The following HIPK3 variants were observed in gnomAD, a reference collection of about 807,000 sequenced individuals.
HIPK3 encodes homeodomain interacting protein kinase 3.
Under a neutral mutation model 124.2 loss-of-function variants are expected in HIPK3, and 47 were observed. The ratio of observed to expected loss-of-function variants is 0.38; its 90% CI spans 0.30 to 0.48. The LOEUF is 0.48. HIPK3 is among the 20% of genes least tolerant of loss of function. The pLI is 0.98. For synonymous variants in HIPK3, 482 were observed against 515.2 expected (o/e 0.94, Z 0.87); for missense variants, 1,286 against 1,454.3 (o/e 0.88, Z 1.88).
At chr11:33,330,040 G>A (rs899250770) in intron 3 of HIPK3, among the ~76,000 whole-genome samples, 1 of 152,108 alleles carries the variant, frequency 6.6e-6, no homozygotes, top group Non-Finnish European at 1.5e-5. Flanking sequence ...CCCAGTAACT[G>A]CCCCCTTTTC....
intron 1 of HIPK3, among the ~76,000 whole-genome samples, chr11:33,281,144 A>G (rs1042098711): frequency 4.3e-5 from 6 of 139,594 alleles, no homozygotes; most frequent in African/African-American, 1.6e-4. Flanking sequence ...ATCTTGGCTC[A>G]CTGCAACCTC....
intron 1 of HIPK3, chr11:33,258,194 C>T: frequency 1.6e-6 from 1 of 627,234 alleles, no homozygotes; most frequent in Non-Finnish European, 2.0e-6. Context: ...GGCCGGGGCC[C>T]GGGGGCCTCG....
intron 2 of HIPK3, among the ~76,000 whole-genome samples, chr11:33,319,313 T>C (rs186809718): frequency 3.3e-5 from 5 of 152,198 alleles, no homozygotes; most frequent in African/African-American, 1.2e-4. Flanking sequence ...TGGCCAATAT[T>C]GTGAAACCCC....
chr11:33,339,826 G>A (rs1279101638), intron 6 of HIPK3, among the ~76,000 whole-genome samples: 1 of 152,138 alleles, frequency 6.6e-6, no homozygotes, highest in Non-Finnish European at 1.5e-5. Context: ...TATATAAAAG[G>A]AAATGCTAAC....
At chr11:33,347,813 A>G (rs759911927) in intron 10 of HIPK3, 39 bp from the exon 11 acceptor site, 7 of 1,613,186 alleles carry the variant, frequency 4.3e-6, no homozygotes, top group Non-Finnish European at 5.9e-6. Flanking sequence ...GATTAAAGAA[A>G]GATCTTGATT....
chr11:33,298,668 A>G (rs113809662), intron 2 of HIPK3, among the ~76,000 whole-genome samples: 1 of 152,254 alleles, frequency 6.6e-6, no homozygotes, highest in African/African-American at 2.4e-5. Flanking sequence ...TCCAACCCTC[A>G]TGGATGACTT....
chr11:33,282,141 T>C (rs1487758399), intron 1 of HIPK3, among the ~76,000 whole-genome samples: 2 of 152,192 alleles, frequency 1.3e-5, no homozygotes. Context: ...TTCAGCACTT[T>C]GGGAGGCCAA....
intron 3 of HIPK3, among the ~76,000 whole-genome samples, chr11:33,331,345 T>A (rs1463783443): frequency 6.6e-6 from 1 of 152,184 alleles, no homozygotes; most frequent in Non-Finnish European, 1.5e-5. Flanking sequence ...AGTAATCAGC[T>A]GCCTAGATAT....
chr11:33,295,568 T>A (rs1436778680), intron 2 of HIPK3, among the ~76,000 whole-genome samples: 3 of 152,244 alleles, frequency 2.0e-5, no homozygotes, highest in Non-Finnish European at 4.4e-5. Flanking sequence ...GTTCACATAG[T>A]ACCCAGGTTA....
intron 1 of HIPK3, among the ~76,000 whole-genome samples, chr11:33,260,924 C>A (rs1038218): frequency 0.33 from 49,485 of 151,504 alleles, 9,082 homozygotes; most frequent in Middle Eastern, 0.46. Context: ...CTTCTGAAGA[C>A]AAACTACTAA....
chr11:33,339,313 A>G, intron 5 of HIPK3, 37 bp from the exon 6 acceptor site: 2 of 1,513,076 alleles, frequency 1.3e-6, no homozygotes. Flanking sequence ...TCTGTGACTT[A>G]TTTTTACTTG....
At chr11:33,334,739 A>G (rs266480) in intron 3 of HIPK3, among the ~76,000 whole-genome samples, 7,232 of 152,212 alleles carry the variant, frequency 0.048, 354 homozygotes, top group African/African-American at 0.13. Context: ...CTGGGCCGGG[A>G]CTTCTGGTTG....
intron 1 of HIPK3, among the ~76,000 whole-genome samples, chr11:33,281,053 T>C (rs976301896): frequency 1.5e-5 from 2 of 135,562 alleles, no homozygotes; most frequent in South Asian, 2.4e-4. Flanking sequence ...TATTTACTTA[T>C]TTGACTTTTT....
At chr11:33,324,159 T>C (rs1295023112) in intron 2 of HIPK3, among the ~76,000 whole-genome samples, 3 of 152,208 alleles carry the variant, frequency 2.0e-5, no homozygotes, top group Non-Finnish European at 4.4e-5. Context: ...GGGAGGAATT[T>C]GAGAGCCAAT....
chr11:33,275,312 A>G (rs1279422903), intron 1 of HIPK3, among the ~76,000 whole-genome samples: 1 of 152,192 alleles, frequency 6.6e-6, no homozygotes, highest in East Asian at 1.9e-4. Context: ...TGCTGGGATT[A>G]CAGGTGTAAG....
intron 2 of HIPK3, among the ~76,000 whole-genome samples, chr11:33,292,155 T>C (rs1403865024): frequency 6.6e-6 from 1 of 152,208 alleles, no homozygotes; most frequent in African/African-American, 2.4e-5. Context: ...TTCTAGTTTG[T>C]TTCTCACTTC....
intron 2 of HIPK3, among the ~76,000 whole-genome samples, chr11:33,290,748 T>A (rs1398823066): frequency 6.6e-6 from 1 of 152,100 alleles, no homozygotes; most frequent in Non-Finnish European, 1.5e-5. Context: ...TTTATGATAC[T>A]GGTTTCTAGC....
intron 2 of HIPK3, among the ~76,000 whole-genome samples, chr11:33,318,399 G>C (rs1056108218): frequency 6.6e-6 from 1 of 151,976 alleles, no homozygotes; most frequent in Admixed American, 6.6e-5. Flanking sequence ...AGGGATCATA[G>C]GAATTATTTA....
rs1233534813 is a variant in HIPK3, at chr11:33,341,620, A to C, written c.1831A>C (p.Thr611Pro). 1 of 1,613,856 alleles carries C rather than the reference A, an allele frequency of 6.2e-7. No individual in the cohort carries two copies. The highest frequency in any genetic ancestry group is 8.5e-7 in the Non-Finnish European group (1 of 1,179,792). Reference sequence around the variant, plus strand: ...CCATGGAATACCTCTGCAGGCAGGAACTGCTCAGTTTGGTTGTGGTGATGC... The same window carrying C: ...CCATGGAATACCTCTGCAGGCAGGACCTGCTCAGTTTGGTTGTGGTGATGC... ...VHHGIPLQAG[T>P]AQFGCGDAFQ... Residue 611 changes from threonine to proline, a missense_variant, in exon 8 of 17, where the codon ACT becomes CCT. By Grantham distance (38) the Thr-to-Pro change is conservative (BLOSUM62 -1). This residue lies in a region of HIPK3 where 810 missense variants were observed against 864.9 expected (regional missense o/e 0.94). Transcript: ENST00000303296.
Sources: allele counts gnomAD v4.1 joint callset (sites outside exome capture counted in the v4.1 genomes callset), GRCh38; gene constraint gnomAD v4.1.1; regional missense constraint gnomAD v4.1.1; transcripts MANE v1.5; gene names NCBI Gene and HGNC (gene_info 2026-07-23, HGNC 2026-07-21).